MAPK9: variants seen among roughly 807,000 people sequenced by gnomAD.
MAPK9 encodes the protein mitogen-activated protein kinase 9.
Under a neutral mutation model 57.1 loss-of-function variants are expected in MAPK9, and 30 were observed. The observed-to-expected ratio is 0.53, with a 90% CI of 0.39 to 0.71. MAPK9 has a LOEUF of 0.71. Ranked by LOEUF, MAPK9 falls within the 30% of genes least tolerant of loss-of-function variation. The pLI is 0.00. For synonymous variants in MAPK9, 155 were observed against 177.0 expected, an observed-to-expected ratio of 0.88 and a Z score of 0.99; for missense variants, 362 against 521.0, an observed-to-expected ratio of 0.69 and a Z score of 2.97.
At chr5:180,273,245 T>C (rs377637413) in intron 2 of MAPK9, among the ~76,000 whole-genome samples, 4 of 152,258 alleles carry the variant, frequency 2.6e-5, no homozygotes, top group South Asian at 4.1e-4. Flanking sequence ...TGTTGTTCTT[T>C]ACATATTCTG....
rs1757057666 is a variant in MAPK9 at position 180,234,627 on chromosome 5, G to T, written c.*1757C>A. On this transcript the variant is annotated 3_prime_UTR_variant, in exon 12 of 12. Coordinates refer to ENST00000452135, the MANE Select transcript of MAPK9 (RefSeq NM_002752.5). ...ATAGATTTAGTGAAGTCTTTTAAAA[G>T]AAAGTGTATTACAGAGAAGGCCATT... is the stretch of plus-strand genomic sequence containing the variant. 6.6e-6 allele frequency: 1 copy of T among 152,196 alleles called. No homozygotes were observed. The highest frequency in any genetic ancestry group is 1.5e-5 in the Non-Finnish European group (1 of 68,036). 9.4% of individuals were successfully genotyped at this position (152,196 alleles called of 1,614,324 possible).
At chr5:180,272,250 G>A (rs1761399662) in intron 2 of MAPK9, among the ~76,000 whole-genome samples, 1 of 152,180 alleles carries the variant, frequency 6.6e-6, no homozygotes, top group African/African-American at 2.4e-5. Context: ...CCTCAGAAAA[G>A]GTGCATGGAA....
At chr5:180,238,800 G>C (rs1757410761) in intron 10 of MAPK9, among the ~76,000 whole-genome samples, 2 of 151,940 alleles carry the variant, frequency 1.3e-5, no homozygotes. Context: ...GTAGAGACAG[G>C]GTTTCGCTAT....
At chr5:180,266,316 C>T (rs906673342) in intron 3 of MAPK9, among the ~76,000 whole-genome samples, 17 of 142,176 alleles carry the variant, frequency 1.2e-4, no homozygotes, top group African/African-American at 4.3e-4. Flanking sequence ...TTCTCAGACA[C>T]TTTTTTTTTT....
intron 5 of MAPK9, among the ~76,000 whole-genome samples, chr5:180,260,266 T>C (rs775106997): frequency 1.3e-5 from 2 of 152,208 alleles, no homozygotes; most frequent in African/African-American, 2.4e-5. Context: ...AAAGACATGA[T>C]GTATGCAAAC....
At chr5:180,240,182 A>G (rs1162571545) in intron 9 of MAPK9, among the ~76,000 whole-genome samples, 195 bp from the exon 10 acceptor site, 1 of 152,248 alleles carries the variant, frequency 6.6e-6, no homozygotes, top group Admixed American at 6.5e-5. Context: ...GAAAAAGTTA[A>G]CCAAAGAAGA....
intron 3 of MAPK9, among the ~76,000 whole-genome samples, chr5:180,267,435 A>G (rs190929470): frequency 0.062 from 9,340 of 151,450 alleles, 314 homozygotes; most frequent in South Asian, 0.13. Context: ...GGTGGCGGGC[A>G]CCTGTAGTCC....
rs1581181717 is a variant in MAPK9, at chr5:180,246,338, CAT to C, written c.688+1099_688+1100del. 1.1e-4 allele frequency: 17 copies of C among 152,068 alleles called. No individual in the cohort carries two copies. The South Asian group carries it at 3.5e-3, about 32-fold the overall frequency. The allele number at this position is 152,068 out of a possible 1,614,324, so 9.4% of individuals were successfully genotyped here. ...TAGTAGAACAAATAAAATAACTTGA[CAT>C]ATTATATAATCTATGATATAGAAAA... is the stretch of plus-strand genomic sequence containing the variant. On this transcript the variant is annotated intron_variant, in intron 7 of 11. Coordinates refer to ENST00000452135, the MANE Select transcript of MAPK9 (RefSeq NM_002752.5).
intron 3 of MAPK9, among the ~76,000 whole-genome samples, chr5:180,268,046 T>A (rs146927916): frequency 2.0e-5 from 3 of 152,020 alleles, no homozygotes; most frequent in East Asian, 1.9e-4. Context: ...GGATGGTCTC[T>A]ATCTCCTGAC....
At position 180,247,590 on chromosome 5, in the gene MAPK9, C is replaced by T; in HGVS notation, c.617-80G>A. 1.6e-6 allele frequency: 2 copies of T among 1,221,178 alleles called. No homozygotes were observed. Among genetic ancestry groups the T allele is most frequent in the Non-Finnish European group, 2.4e-6 (2 of 838,926 alleles). 75.6% of individuals were successfully genotyped at this position (1,221,178 alleles called of 1,614,324 possible). On this transcript the variant is annotated intron_variant, in intron 6 of 11. Transcript: ENST00000452135. The surrounding 1 kb of genome is among the most constrained non-coding windows in gnomAD (Gnocchi z 4.5). Reference sequence around the variant, plus strand: ...GAGGAAAAGGAATTCTAACAGTGCACTAAACACACAAATATGGAAAAATAA... The same window carrying T: ...GAGGAAAAGGAATTCTAACAGTGCATTAAACACACAAATATGGAAAAATAA...
chr5:180,286,154 T>C (rs1762737834), intron 1 of MAPK9, among the ~76,000 whole-genome samples: 1 of 141,240 alleles, frequency 7.1e-6, no homozygotes, highest in East Asian at 2.6e-4. Context: ...TTTTCTTTTT[T>C]TTTTTTTTTG....
At chr5:180,252,189 G>A (rs1354846734) in intron 5 of MAPK9, among the ~76,000 whole-genome samples, 2 of 152,170 alleles carry the variant, frequency 1.3e-5, no homozygotes, top group Non-Finnish European at 2.9e-5. Context: ...TTAGAGCAAG[G>A]CTGTGAGAGA....
Position 180,280,555 on chromosome 5 carries a change from C to T in MAPK9, c.7G>A (p.Asp3Asn), listed in dbSNP as rs537346074. The T allele has an allele frequency of 5.1e-5, 82 of 1,613,794 alleles. No individual in the cohort carries two copies. Among genetic ancestry groups the T allele is most frequent in the Middle Eastern group, 1.7e-4 (1 of 6,060 alleles). The change falls in exon 2 of 12, where the codon GAC (aspartate) becomes AAC (asparagine). Residue 3 changes from aspartate to asparagine, a missense_variant. Around this residue, in one of 3 missense-constraint regions of MAPK9, gnomAD observed 36 missense variants for 38.0 expected, o/e 0.95. Transcript: ENST00000452135. Reference protein sequence around the residue: MSDSKCDSQFYSV... With the variant: MSNSKCDSQFYSV... ...TAAAACTGACTGTCACATTTACTGT[C>T]GCTCATGATGCAGCGTCCTGCAATA...
At chr5:180,239,550 T>C (rs370447615) in intron 10 of MAPK9, among the ~76,000 whole-genome samples, 1 of 152,368 alleles carries the variant, frequency 6.6e-6, no homozygotes, top group East Asian at 1.9e-4. Context: ...AATACCTATT[T>C]GCATATTTTC....
Position 180,280,607 on chromosome 5 carries a change from C to G in MAPK9, c.-46G>C. The G allele has an allele frequency of 6.3e-7, 1 of 1,596,954 alleles. No homozygotes were observed. Among genetic ancestry groups the G allele is most frequent in the Non-Finnish European group, 8.5e-7 (1 of 1,170,334 alleles). On this transcript the variant is annotated splice_region_variant and 5_prime_UTR_variant, in exon 2 of 12. Coordinates refer to ENST00000452135, the MANE Select transcript of MAPK9 (RefSeq NM_002752.5). Reference sequence around the variant, plus strand: ...CCCGAAGGGTGGGCAAGTTTCAGATCCCTTCAAAGAAAAACAGAATGAACG... The same window carrying G: ...CCCGAAGGGTGGGCAAGTTTCAGATGCCTTCAAAGAAAAACAGAATGAACG...
intron 3 of MAPK9, among the ~76,000 whole-genome samples, chr5:180,267,520 C>A (rs1398318421): frequency 6.8e-6 from 1 of 147,962 alleles, no homozygotes. Flanking sequence ...TGAGATCGCG[C>A]CACTGCCCTC....
At chr5:180,291,529 C>T (rs1763235271) in intron 1 of MAPK9, among the ~76,000 whole-genome samples, 2 of 152,104 alleles carry the variant, frequency 1.3e-5, no homozygotes, top group African/African-American at 4.8e-5. Flanking sequence ...GTCGCGGGGA[C>T]GCGACCCCGG....
chr5:180,267,263 A>G lies in MAPK9; in HGVS notation c.252+2017T>C, dbSNP rs541676099. ...TTTGTAACCTGAAAAAATTTTTTAA[A>G]TAAGTAAGTAAAACAAGTCCGGGTG... On this transcript the variant is annotated intron_variant, in intron 3 of 11. Coordinates refer to ENST00000452135, the MANE Select transcript of MAPK9 (RefSeq NM_002752.5). 9.2e-5 allele frequency among the ~76,000 whole-genome samples: 14 copies of G among 152,276 alleles called. No individual in the cohort carries two copies. The East Asian group carries it at 2.7e-3, about 29-fold the overall frequency.
At chr5:180,245,282 C>A (rs1757994950) in intron 7 of MAPK9, among the ~76,000 whole-genome samples, 1 of 152,154 alleles carries the variant, frequency 6.6e-6, no homozygotes, top group African/African-American at 2.4e-5. Flanking sequence ...ATCTCCCCGG[C>A]CACACCCCTA....
Sources: allele counts gnomAD v4.1 joint callset (sites outside exome capture counted in the v4.1 genomes callset), GRCh38; gene constraint gnomAD v4.1.1; regional missense constraint gnomAD v4.1.1; non-coding constraint Gnocchi (gnomAD v3.1); transcripts MANE v1.5; gene names NCBI Gene and HGNC (gene_info 2026-07-23, HGNC 2026-07-21).